The following ZBTB45 variants were observed in gnomAD, a reference collection of about 807,000 sequenced individuals.
ZBTB45 encodes zinc finger and BTB domain containing 45.
A neutral mutation model predicts 28.4 loss-of-function variants in ZBTB45; 22 were observed. The observed-to-expected ratio is 0.77, with a 90% CI of 0.55 to 1.10. The LOEUF (loss-of-function observed/expected upper bound fraction) is 1.10. Among genes scored for constraint, ZBTB45 ranks in the 50% least tolerant of loss-of-function variants. The pLI, the probability that ZBTB45 is intolerant of heterozygous loss-of-function variation, is 0.00. For synonymous variants in ZBTB45, 361 were observed against 332.3 expected, an observed-to-expected ratio of 1.09 and a Z score of -0.94; for missense variants, 656 against 750.2, an observed-to-expected ratio of 0.87 and a Z score of 1.47.
In ZBTB45 at chr19:58,517,350, C is replaced by G. The variant is rs750611018; in HGVS notation, c.324G>C (p.Val108=). ...EALQVLTAAS[V]LRIQTVIDEC... ...CGTCGATAACTGTCTGTATGCGAAGCACTGACGCGGCCGTGAGCACCTGCA... is the reference window on the plus strand; with the variant it reads ...CGTCGATAACTGTCTGTATGCGAAGGACTGACGCGGCCGTGAGCACCTGCA... Residue 108 remains valine, a synonymous_variant, in exon 2 of 3, where the codon GTG becomes GTC. Transcript: ENST00000594051. 6.2e-7 allele frequency: 1 copy of G among 1,612,094 alleles called. No homozygotes were observed. Among genetic ancestry groups the G allele is most frequent in the Non-Finnish European group, 8.5e-7 (1 of 1,179,902 alleles).
chr19:58,523,606 G>A (rs1425663260), upstream of ZBTB45, among the ~76,000 whole-genome samples: 1 of 60 alleles, frequency 0.017, no homozygotes, highest in Non-Finnish European at 0.028. Context: ...AGAGGTTGCA[G>A]TGAGCCAGAG....
rs1445951548 is a variant in ZBTB45 at position 58,513,778 on chromosome 19, C to G, written c.*276G>C. ...CAAATCTTGGGCCGGGTCCAAGCGCCTGAGCGCCCGGTTTACGCAGGAAAT... is the reference window on the plus strand; with the variant it reads ...CAAATCTTGGGCCGGGTCCAAGCGCGTGAGCGCCCGGTTTACGCAGGAAAT... On this transcript the variant is annotated 3_prime_UTR_variant, in exon 3 of 3. Transcript: ENST00000594051. 1.1e-5 allele frequency: 4 copies of G among 376,788 alleles called. No individual in the cohort carries two copies. The highest frequency in any genetic ancestry group is 1.9e-5 in the Non-Finnish European group (4 of 214,986). The allele number at this position is 376,788 out of a possible 1,614,324, so 23.3% of individuals were successfully genotyped here.
At chr19:58,524,131 C>T (rs1294191580), upstream of ZBTB45, among the ~76,000 whole-genome samples, 1 of 142,788 alleles carries the variant, frequency 7.0e-6, no homozygotes, top group Non-Finnish European at 1.5e-5. Context: ...CTTTGGGAGG[C>T]TGAGGTGGGC....
chr19:58,527,221 A>T lies in ZBTB45; in HGVS notation c.1-9548T>A, dbSNP rs150487677. Among the ~76,000 whole-genome samples the T allele has an allele frequency of 1.3e-3, 196 of 152,292 alleles. 1 individual carries two copies. The East Asian group carries it at 0.035, about 27-fold the overall frequency. ...TGGAGCGAGGAATTCCACCACCCAC[A>T]GTAGGTGTAAGCTTGGCAGCTCCAG... is the stretch of plus-strand genomic sequence containing the variant. On this transcript the variant is annotated intron_variant, in intron 1 of 1. Coordinates refer to the ZBTB45 transcript ENST00000600130.
At chr19:58,532,897 G>A (rs1049887028) in intron 1 of ZBTB45, among the ~76,000 whole-genome samples, 5 of 150,086 alleles carry the variant, frequency 3.3e-5, no homozygotes, top group South Asian at 2.1e-4. Context: ...GTGCAGTGGC[G>A]TGAACTGGAC....
intron 2 of ZBTB45, 135 bp from the exon 3 acceptor site, chr19:58,514,445 C>T (rs2053463844): frequency 8.4e-7 from 1 of 1,193,462 alleles, no homozygotes; most frequent in Admixed American, 2.8e-5. Context: ...CCCGGGATCC[C>T]TTGCCTATCA....
chr19:58,522,864 G>T (rs902297234), upstream of ZBTB45, among the ~76,000 whole-genome samples: 1 of 152,114 alleles, frequency 6.6e-6, no homozygotes, highest in African/African-American at 2.4e-5. Flanking sequence ...TGGCAGGATT[G>T]CAGTGTGTTG....
At chr19:58,527,502 GA>G (rs1165912742) in intron 1 of ZBTB45, among the ~76,000 whole-genome samples, 1 of 152,144 alleles carries the variant, frequency 6.6e-6, no homozygotes, top group African/African-American at 2.4e-5. Flanking sequence ...CACACAACAT[GA>G]AGTCTTGGTC....
intron 1 of ZBTB45, among the ~76,000 whole-genome samples, chr19:58,532,578 C>T (rs1451192276): frequency 1.3e-5 from 2 of 152,204 alleles, no homozygotes; most frequent in African/African-American, 2.4e-5. Context: ...TGGAGTTTCG[C>T]GCTTATCGCC....
rs567343107 is a variant in ZBTB45 at position 58,525,082 on chromosome 19, G to C, written c.1-7409C>G. ...GACAGCATGGGTCAGAGAACAGACA[G>C]CTCCCACCAAGGAGTCTTCCAGAAC... On this transcript the variant is annotated intron_variant, in intron 1 of 1. Transcript: ENST00000600130. Among the ~76,000 whole-genome samples, 3 of 152,250 alleles carry C rather than the reference G, an allele frequency of 2.0e-5. No individual in the cohort carries two copies. The East Asian group carries it at 5.8e-4, about 29-fold the overall frequency.
rs757480367 is a variant in ZBTB45, at chr19:58,517,240, G to A, written c.434C>T (p.Ala145Val). The change falls in exon 2 of 3, where the codon GCA becomes GTA. Residue 145 changes from alanine (A) to valine (V), a missense_variant. By Grantham distance (64) the Ala-to-Val change is moderately conservative (BLOSUM62 0). This residue lies in a region of ZBTB45 where 448 missense variants were observed against 444.3 expected (regional missense o/e 1.01). Coordinates refer to ENST00000594051, the MANE Select transcript of ZBTB45 (RefSeq NM_001316979.2). ...CAGGCGGTGACGCAGCTGCGCAGGT[G>A]CGAGTGGCGGGGGCACAGGGGTGGG... ...PLPTPVPPPL[A>V]PAQLRHRLRH... 1.3e-5 allele frequency: 20 copies of A among 1,596,134 alleles called. No homozygotes were observed. Among genetic ancestry groups the A allele is most frequent in the Non-Finnish European group, 1.5e-5 (18 of 1,173,432 alleles).
At chr19:58,514,860 A>G (rs1038304351) in intron 2 of ZBTB45, among the ~76,000 whole-genome samples, 1 of 152,092 alleles carries the variant, frequency 6.6e-6, no homozygotes, top group Non-Finnish European at 1.5e-5. Context: ...GCCCTTTCAT[A>G]AGGAGGGACC....
At chr19:58,527,746 G>C (rs1177907872) in intron 1 of ZBTB45, among the ~76,000 whole-genome samples, 1 of 152,124 alleles carries the variant, frequency 6.6e-6, no homozygotes, top group Non-Finnish European at 1.5e-5. Flanking sequence ...AATCAACCTA[G>C]ACTTGCCACA....
intron 1 of ZBTB45, among the ~76,000 whole-genome samples, chr19:58,532,826 C>G (rs1217244010): frequency 6.6e-6 from 1 of 151,926 alleles, no homozygotes; most frequent in African/African-American, 2.4e-5. Flanking sequence ...GGATTACAGG[C>G]GTGAGCCACC....
Position 58,514,219 on chromosome 19 carries a change from G to C in ZBTB45, c.1371C>G (p.Arg457=). 6.2e-7 allele frequency: 1 copy of C among 1,612,592 alleles called. No homozygotes were observed. The highest frequency in any genetic ancestry group is 8.5e-7 in the Non-Finnish European group (1 of 1,179,656). Residue 457 remains arginine, a synonymous_variant, in exon 3 of 3, where the codon CGC becomes CGG. Coordinates refer to ENST00000594051, the MANE Select transcript of ZBTB45 (RefSeq NM_001316979.2). ...TGGCGCAGACGGCGCACTGGAAGGC[G>C]CGCACGCCGGTGTGCGTGACCATGT... The part of the protein sequence containing the change: ...LKHMVTHTGV[R]AFQCAVCAKR...
chr19:58,514,800 C>T (rs757664062), intron 2 of ZBTB45, among the ~76,000 whole-genome samples: 5 of 152,280 alleles, frequency 3.3e-5, no homozygotes, highest in Middle Eastern at 3.4e-3. Flanking sequence ...GTCCTGGCCC[C>T]CCTCGCCTAT....
upstream of ZBTB45, among the ~76,000 whole-genome samples, chr19:58,522,774 G>A (rs2053585510): frequency 6.6e-6 from 1 of 152,176 alleles, no homozygotes; most frequent in Admixed American, 6.5e-5. Context: ...AAGGGTAGGT[G>A]GGAAAGGCAT....
chr19:58,535,598 G>A (rs905190279), intron 1 of ZBTB45, among the ~76,000 whole-genome samples: 2 of 152,114 alleles, frequency 1.3e-5, no homozygotes, highest in Admixed American at 1.3e-4. Context: ...TCGCACCTGG[G>A]CTCAAGCTAT....
In ZBTB45 at chr19:58,514,162, C is replaced by T; in HGVS notation, c.1428G>A (p.Val476=). The T allele has an allele frequency of 6.2e-7, 1 of 1,611,294 alleles. No individual in the cohort carries two copies. Among genetic ancestry groups the T allele is most frequent in the Non-Finnish European group, 8.5e-7 (1 of 1,179,256 alleles). The change falls in exon 3 of 3, where the codon GTG becomes GTA. Residue 476 remains valine (V), a synonymous_variant. Coordinates refer to ENST00000594051, the MANE Select transcript of ZBTB45 (RefSeq NM_001316979.2). ...KRFTQKSSLN[V]HMRTHRPERA... is the part of the protein sequence containing the mutation. ...GCTCGGGCCGGTGAGTGCGCATGTG[C>T]ACGTTGAGCGAGCTCTTCTGCGTGA...
Sources: allele counts gnomAD v4.1 joint callset (sites outside exome capture counted in the v4.1 genomes callset), GRCh38; gene constraint gnomAD v4.1.1; regional missense constraint gnomAD v4.1.1; transcripts MANE v1.5; gene names NCBI Gene and HGNC (gene_info 2026-07-23, HGNC 2026-07-21).